DLG2: variants seen among roughly 807,000 people sequenced by gnomAD.
The protein encoded by DLG2 is disks large homolog 2.
Under a neutral mutation model 132.5 loss-of-function variants are expected in DLG2, and 45 were observed. That is an observed-to-expected ratio of 0.34 (90% CI 0.27 to 0.44). DLG2 has a LOEUF of 0.44. Among genes scored for constraint, DLG2 ranks in the 20% least tolerant of loss-of-function variants. DLG2 has a pLI of 1.00. For missense variants in DLG2, 1,045 were observed against 1,196.9 expected (o/e 0.87, Z 1.87); for synonymous variants, 424 against 419.6 (o/e 1.01, Z -0.13).
chr11:84,113,416 T>C (rs1284841394), intron 9 of DLG2, among the ~76,000 whole-genome samples: 1 of 152,204 alleles, frequency 6.6e-6, no homozygotes, highest in Non-Finnish European at 1.5e-5. Flanking sequence ...TACAAACTGG[T>C]TATTCAGTTT....
At chr11:84,146,775 AG>A (rs2154246416) in intron 9 of DLG2, among the ~76,000 whole-genome samples, 1 of 152,250 alleles carries the variant, frequency 6.6e-6, no homozygotes, top group African/African-American at 2.4e-5. Flanking sequence ...GAGGAATTTA[AG>A]GGAAGGCTCA....
At chr11:84,081,852 T>G (rs2154156033) in intron 10 of DLG2, among the ~76,000 whole-genome samples, 1 of 152,334 alleles carries the variant, frequency 6.6e-6, no homozygotes, top group Non-Finnish European at 1.5e-5. Context: ...GATCGCTGGG[T>G]CAAATGGTAT....
chr11:83,978,846 C>A (rs1050898765), intron 12 of DLG2, among the ~76,000 whole-genome samples: 3 of 152,004 alleles, frequency 2.0e-5, no homozygotes, highest in Non-Finnish European at 1.5e-5. Flanking sequence ...CTGACAAATT[C>A]AAGGAAACTA....
intron 3 of DLG2, among the ~76,000 whole-genome samples, chr11:85,566,130 A>G (rs1471733604): frequency 6.6e-6 from 1 of 152,130 alleles, no homozygotes; most frequent in African/African-American, 2.4e-5. Flanking sequence ...CCATGTGCCT[A>G]TTGGTCATTT....
At chr11:83,839,057 C>A (rs2056942780) in intron 16 of DLG2, among the ~76,000 whole-genome samples, 1 of 152,152 alleles carries the variant, frequency 6.6e-6, no homozygotes, top group Admixed American at 6.5e-5. Flanking sequence ...TGTTACCCAT[C>A]TGGGGGCATT....
chr11:85,614,328 T>C (rs1484209669), intron 2 of DLG2, among the ~76,000 whole-genome samples: 1 of 148,910 alleles, frequency 6.7e-6, no homozygotes, highest in Non-Finnish European at 1.5e-5. Context: ...TTTTTTTTTT[T>C]TTTTAAAAAT....
intron 7 of DLG2, among the ~76,000 whole-genome samples, chr11:84,347,452 A>T (rs578159713): frequency 6.6e-6 from 1 of 152,178 alleles, no homozygotes; most frequent in Non-Finnish European, 1.5e-5. Flanking sequence ...AATGAAATCA[A>T]TCTCAACCCT....
At chr11:84,238,265 A>G (rs2097184387) in intron 8 of DLG2, among the ~76,000 whole-genome samples, 1 of 151,994 alleles carries the variant, frequency 6.6e-6, no homozygotes, top group Admixed American at 6.6e-5. Flanking sequence ...CTGTCATTCC[A>G]ATACTTTGAG....
chr11:83,733,260 A>AAG (rs2091342891), intron 18 of DLG2, among the ~76,000 whole-genome samples: 1 of 150,524 alleles, frequency 6.6e-6, no homozygotes, highest in East Asian at 1.9e-4. Context: ...AAAAAAAAAA[A>AAG]AAAAGGAAAG....
chr11:83,499,604 A>G (rs973690389), intron 21 of DLG2, among the ~76,000 whole-genome samples: 2 of 149,262 alleles, frequency 1.3e-5, no homozygotes, highest in African/African-American at 4.9e-5. Context: ...CCCTTTCAAC[A>G]CCCTCTACAC....
intron 6 of DLG2, among the ~76,000 whole-genome samples, chr11:85,089,159 G>A (rs967709122): frequency 1.3e-4 from 19 of 151,716 alleles, no homozygotes; most frequent in African/African-American, 2.4e-4. Context: ...TTTTCTGGAC[G>A]TACATGTGCA....
At chr11:83,770,071 G>C (rs17151274) in intron 18 of DLG2, among the ~76,000 whole-genome samples, 32,179 of 151,964 alleles carry the variant, frequency 0.21, 3,686 homozygotes, top group African/African-American at 0.29. Flanking sequence ...ATGTCATACT[G>C]TGTTTGTTGT....
intron 9 of DLG2, among the ~76,000 whole-genome samples, chr11:84,107,379 T>C (rs775685304): frequency 3.3e-5 from 5 of 152,128 alleles, no homozygotes; most frequent in Admixed American, 2.0e-4. Context: ...GATTTAAACT[T>C]TGACCTCACT....
intron 18 of DLG2, among the ~76,000 whole-genome samples, chr11:83,774,250 A>G (rs1180276850): frequency 2.0e-5 from 3 of 152,192 alleles, no homozygotes. Flanking sequence ...CTCAAGTTCC[A>G]TTCCTCCTCT....
intron 6 of DLG2, among the ~76,000 whole-genome samples, chr11:84,925,581 C>T (rs2092947349): frequency 6.6e-6 from 1 of 152,102 alleles, no homozygotes; most frequent in African/African-American, 2.4e-5. Context: ...AAAGAATATT[C>T]CATATTTTAA....
intron 7 of DLG2, among the ~76,000 whole-genome samples, chr11:84,291,128 T>C (rs1258328578): frequency 6.6e-6 from 1 of 152,178 alleles, no homozygotes; most frequent in Non-Finnish European, 1.5e-5. Flanking sequence ...ATCTCATAAC[T>C]TTTTATAATT....
intron 6 of DLG2, among the ~76,000 whole-genome samples, chr11:84,539,459 G>A (rs1024173393): frequency 6.6e-6 from 1 of 152,182 alleles, no homozygotes; most frequent in Non-Finnish European, 1.5e-5. Flanking sequence ...GGGCACCTTT[G>A]AGGATTTCTC....
intron 6 of DLG2, among the ~76,000 whole-genome samples, chr11:84,622,015 C>CAGTA (rs1380515392): frequency 6.6e-6 from 1 of 152,116 alleles, no homozygotes; most frequent in South Asian, 2.1e-4. Context: ...CCTTAAGGGT[C>CAGTA]AGTAAGTAAG....
chr11:84,784,357 TA>T (rs1253487322), intron 6 of DLG2, among the ~76,000 whole-genome samples: 85 of 148,552 alleles, frequency 5.7e-4, no homozygotes, highest in Middle Eastern at 7.0e-3. Context: ...AATAAATAAA[TA>T]AATAAATAAA....
Sources: allele counts gnomAD v4.1 joint callset (sites outside exome capture counted in the v4.1 genomes callset), GRCh38; gene constraint gnomAD v4.1.1; transcripts MANE v1.5; gene names NCBI Gene and HGNC (gene_info 2026-07-23, HGNC 2026-07-21).